The following DNAJC15 variants were observed in gnomAD, a reference collection of about 807,000 sequenced individuals.
The protein encoded by DNAJC15 is DnaJ heat shock protein family (Hsp40) member C15, also known as dnaJ homolog subfamily C member 15.
DNAJC15 carries 27 observed loss-of-function variants against 22.4 expected under a neutral mutation model. That is an observed-to-expected ratio of 1.20 (90% confidence interval 0.89 to 1.66). The LOEUF is 1.66. DNAJC15 is among the 40% of genes most tolerant of loss of function. The pLI is 0.00. For synonymous variants in DNAJC15, 79 were observed against 63.2 expected, an observed-to-expected ratio of 1.25 and a Z score of -1.19; for missense variants, 208 against 187.1, an observed-to-expected ratio of 1.11 and a Z score of -0.65.
chr13:43,080,458 A>G (rs1020043770), intron 4 of DNAJC15, among the ~76,000 whole-genome samples: 1 of 152,174 alleles, frequency 6.6e-6, no homozygotes. Flanking sequence ...CCTGTCTACC[A>G]CTGATGGGCA....
At chr13:43,025,975 A>G (rs1477452038) in intron 1 of DNAJC15, among the ~76,000 whole-genome samples, 1 of 152,246 alleles carries the variant, frequency 6.6e-6, no homozygotes, top group Non-Finnish European at 1.5e-5. Flanking sequence ...ACTACATTAG[A>G]AAACATAATG....
rs369819569 is a variant in DNAJC15 at position 43,075,454 on chromosome 13, G to A, written c.235-3158G>A. On this transcript the variant is annotated intron_variant, in intron 3 of 5. Coordinates refer to ENST00000379221, the MANE Select transcript of DNAJC15 (RefSeq NM_013238.3). ...TTTAGAGCTCCCTAAGGTAAATAAA[G>A]ACTCATTGAAATATTTTTTTCCTGA... Among the ~76,000 whole-genome samples the A allele has an allele frequency of 2.4e-4, 36 of 152,224 alleles. No homozygotes were observed. The South Asian group carries it at 7.1e-3, about 30-fold the overall frequency.
At chr13:43,033,945 T>C (rs990021548) in intron 1 of DNAJC15, among the ~76,000 whole-genome samples, 2 of 151,598 alleles carry the variant, frequency 1.3e-5, no homozygotes, top group Non-Finnish European at 1.5e-5. Flanking sequence ...GGAGAATTGC[T>C]TGATCCTGGG....
intron 2 of DNAJC15, among the ~76,000 whole-genome samples, chr13:43,067,707 C>T (rs1274399228): frequency 6.6e-6 from 1 of 152,122 alleles, no homozygotes; most frequent in East Asian, 1.9e-4. Flanking sequence ...TGTGTTAGAA[C>T]TAGGTCTTCT....
At chr13:43,062,727 C>CT (rs991767502) in intron 1 of DNAJC15, among the ~76,000 whole-genome samples, 2 of 151,388 alleles carry the variant, frequency 1.3e-5, no homozygotes, top group Admixed American at 6.6e-5. Flanking sequence ...TTTTTCTTTT[C>CT]TTTTTTTTGA....
intron 4 of DNAJC15, among the ~76,000 whole-genome samples, chr13:43,085,499 G>T (rs534990226): frequency 6.6e-6 from 1 of 152,262 alleles, no homozygotes; most frequent in South Asian, 2.1e-4. Flanking sequence ...TGCAGAAGCT[G>T]ACTCCCCTAA....
chr13:43,067,645 TC>T (rs1269675221), intron 2 of DNAJC15, among the ~76,000 whole-genome samples: 1 of 152,146 alleles, frequency 6.6e-6, no homozygotes. Flanking sequence ...CAAGATCTCT[TC>T]CAGAGCCAAA....
At chr13:43,059,182 G>T (rs894233825) in intron 1 of DNAJC15, among the ~76,000 whole-genome samples, 6 of 152,004 alleles carry the variant, frequency 3.9e-5, no homozygotes, top group Non-Finnish European at 8.8e-5. Flanking sequence ...AAGGTTACAA[G>T]GCCTTTGTTT....
At chr13:43,104,011 CAA>C (rs1181393142) in intron 5 of DNAJC15, among the ~76,000 whole-genome samples, 9 of 152,084 alleles carry the variant, frequency 5.9e-5, no homozygotes, top group African/African-American at 2.2e-4. Context: ...TCTCTTATAA[CAA>C]TATATAACCT....
rs542392559 is a variant in DNAJC15, at chr13:43,052,934, C to T, written c.109-12752C>T. Reference sequence around the variant, plus strand: ...TTTATATTAGTTTTTGTTGCATTTGCTTTTGGCTTTTTGATCATTCAGGAG... The same window carrying T: ...TTTATATTAGTTTTTGTTGCATTTGTTTTTGGCTTTTTGATCATTCAGGAG... On this transcript the variant is annotated intron_variant, in intron 1 of 5. Transcript: ENST00000379221. Among the ~76,000 whole-genome samples the T allele has an allele frequency of 8.5e-5, 13 of 152,076 alleles. No homozygotes were observed. In the South Asian group the frequency reaches 1.0e-3, roughly 12 times the overall value.
chr13:43,023,747 A>C lies in DNAJC15; in HGVS notation c.108+13A>C. The C allele has an allele frequency of 6.3e-7, 1 of 1,595,594 alleles. No homozygotes were observed. Among genetic ancestry groups the C allele is most frequent in the Non-Finnish European group, 8.5e-7 (1 of 1,171,510 alleles). On this transcript the variant is annotated intron_variant, in intron 1 of 5. Transcript: ENST00000379221. ...CCAGCAGAGACTGGTGAGTCCTGCC[A>C]GCGGCCCCCACCCCTCTCTGGCTCC... is the stretch of plus-strand genomic sequence containing the variant.
At chr13:43,097,550 G>GA (rs2040745592) in intron 5 of DNAJC15, among the ~76,000 whole-genome samples, 1 of 152,158 alleles carries the variant, frequency 6.6e-6, no homozygotes, top group South Asian at 2.1e-4. Flanking sequence ...GTCAAGAGTG[G>GA]AAGCAAGGCA....
intron 2 of DNAJC15, among the ~76,000 whole-genome samples, chr13:43,066,915 G>A (rs2040587069): frequency 6.6e-6 from 1 of 152,140 alleles, no homozygotes; most frequent in South Asian, 2.1e-4. Flanking sequence ...CACCGTGCCC[G>A]GCCCATTCGA....
rs1400410860 is a variant in DNAJC15, at chr13:43,108,549, C to T, written c.*1301C>T. On this transcript the variant is annotated 3_prime_UTR_variant, in exon 6 of 6. Coordinates refer to ENST00000379221, the MANE Select transcript of DNAJC15 (RefSeq NM_013238.3). ...CTATCTTAAAATACTTTTTAGATAT[C>T]CTAGATGCATCTTTCAACTTCTAAC... 1 of 152,148 alleles carries T rather than the reference C, an allele frequency of 6.6e-6. No homozygotes were observed. The highest frequency in any genetic ancestry group is 2.4e-5 in the African/African-American group (1 of 41,430). 9.4% of individuals were successfully genotyped at this position (152,148 alleles called of 1,614,324 possible).
chr13:43,028,789 C>G (rs527312657), intron 1 of DNAJC15, among the ~76,000 whole-genome samples: 1 of 152,168 alleles, frequency 6.6e-6, no homozygotes, highest in East Asian at 1.9e-4. Flanking sequence ...AAAGACACAT[C>G]CAGTGTGAAG....
At chr13:43,037,531 A>G (rs1489221204) in intron 1 of DNAJC15, among the ~76,000 whole-genome samples, 1 of 152,210 alleles carries the variant, frequency 6.6e-6, no homozygotes, top group African/African-American at 2.4e-5. Flanking sequence ...TAGACAGGTC[A>G]GAGGGTTTTC....
chr13:43,065,613 CA>C, intron 1 of DNAJC15, 72 bp from the exon 2 acceptor site: 6 of 1,211,030 alleles, frequency 5.0e-6, no homozygotes, highest in Non-Finnish European at 7.3e-6. Context: ...TAATTATTCT[CA>C]TTATTAAAAA....
intron 5 of DNAJC15, among the ~76,000 whole-genome samples, chr13:43,093,951 T>A (rs769274437): frequency 2.0e-5 from 3 of 152,198 alleles, no homozygotes; most frequent in Admixed American, 6.5e-5. Flanking sequence ...TCTGTTGTGA[T>A]ATGTTGTTTT....
chr13:43,107,270 GAAA>G lies in DNAJC15; in HGVS notation c.*29_*31del, dbSNP rs528425525. The G allele has an allele frequency of 7.5e-7, 1 of 1,326,392 alleles. No homozygotes were observed. Among genetic ancestry groups the G allele is most frequent in the East Asian group, 2.9e-5 (1 of 34,974 alleles). The allele number at this position is 1,326,392 out of a possible 1,614,324, so 82.2% of individuals were successfully genotyped here. A position where few individuals can be genotyped will look rare whatever the true frequency, so the allele number is the denominator to read the frequency against. The stretch of plus-strand genomic sequence containing the variant: ...TTGATGCTTAAGGACCACACTGAAG[GAAA>G]AAAAAAGAGGGGACTTCGAAAAAAA... On this transcript the variant is annotated 3_prime_UTR_variant, in exon 6 of 6. Transcript: ENST00000379221.
Sources: gnomAD v4.1 joint callset for allele counts (sites outside exome capture counted in the v4.1 genomes callset) on GRCh38, gnomAD v4.1.1 for gene constraint, MANE v1.5 for transcripts, NCBI Gene and HGNC (gene_info 2026-07-23, HGNC 2026-07-21) for gene names.